Variants in RASGEF1A observed in about 807,000 individuals in gnomAD.
The protein encoded by RASGEF1A is ras-GEF domain-containing family member 1A.
RASGEF1A carries 18 observed loss-of-function variants against 56.4 expected under a neutral mutation model. The observed-to-expected ratio is 0.32, with a 90% CI of 0.22 to 0.47. RASGEF1A has a LOEUF of 0.47. Among genes scored for constraint, RASGEF1A ranks in the 20% least tolerant of loss-of-function variants. The pLI is 1.00. For synonymous variants in RASGEF1A, 245 were observed against 242.6 expected (o/e 1.01, Z -0.09); for missense variants, 422 against 627.1 (o/e 0.67, Z 3.49).
At chr10:43,207,650 G>GT in intron 1 of RASGEF1A, 2 of 985,540 alleles carry the variant, frequency 2.0e-6, no homozygotes, top group Non-Finnish European at 2.4e-6. Context: ...AGGACAGGGA[G>GT]GTCATGGCTC....
chr10:43,207,628 T>C (rs1392589041), intron 1 of RASGEF1A: 24 of 985,584 alleles, frequency 2.4e-5, no homozygotes, highest in Non-Finnish European at 2.7e-5. Flanking sequence ...GGCTCAGTGC[T>C]GCCCCCACTC....
rs146528534 is a variant in RASGEF1A, at chr10:43,245,826, A to C, written c.-7+21019T>G. 3.9e-3 allele frequency among the ~76,000 whole-genome samples: 601 copies of C among 152,304 alleles called. 2 individuals carry two copies. The highest frequency in any genetic ancestry group is 6.4e-3 in the Non-Finnish European group (433 of 67,994). Reference sequence around the variant, plus strand: ...ATCACAGTTAATTGTAGAAGACCAAAAGCTTTCCTCCTAAGATCAAAAACA... The same window carrying C: ...ATCACAGTTAATTGTAGAAGACCAACAGCTTTCCTCCTAAGATCAAAAACA... On this transcript the variant is annotated intron_variant, in intron 1 of 12. Transcript: ENST00000395810.
chr10:43,260,543 G>A (rs116954223), intron 1 of RASGEF1A, among the ~76,000 whole-genome samples: 2 of 152,170 alleles, frequency 1.3e-5, no homozygotes, highest in Non-Finnish European at 2.9e-5. Flanking sequence ...GTCCCCACGG[G>A]CAGGGCCAAG....
intron 1 of RASGEF1A, among the ~76,000 whole-genome samples, chr10:43,256,604 T>C (rs1470405193): frequency 1.3e-5 from 2 of 152,284 alleles, no homozygotes; most frequent in South Asian, 2.1e-4. Flanking sequence ...TCCAGGGCAC[T>C]GCACACTCAG....
chr10:43,208,740 A>G (rs1840028933), intron 1 of RASGEF1A: 8 of 985,524 alleles, frequency 8.1e-6, no homozygotes, highest in Non-Finnish European at 9.6e-6. Flanking sequence ...GGGATGCCCC[A>G]TGAGCCCCTA....
rs144729202 is a variant in RASGEF1A at position 43,263,098 on chromosome 10, G to A, written c.-7+3747C>T. Among the ~76,000 whole-genome samples, 358 of 152,300 alleles carry A rather than the reference G, an allele frequency of 2.4e-3. 1 individual carries two copies. The highest frequency in any genetic ancestry group is 7.9e-3 in the African/African-American group (330 of 41,566). ...CACACTGACAGAACCCAGAGGACAGGTGGGGGCTGATGAGAGCTGGAACCG... is the reference window on the plus strand; with the variant it reads ...CACACTGACAGAACCCAGAGGACAGATGGGGGCTGATGAGAGCTGGAACCG... On this transcript the variant is annotated intron_variant, in intron 1 of 12. Transcript: ENST00000395810.
At chr10:43,199,848 C>T in intron 6 of RASGEF1A, 80 bp from the exon 7 acceptor site, 1 of 1,157,088 alleles carries the variant, frequency 8.6e-7, no homozygotes, top group Non-Finnish European at 1.3e-6. Flanking sequence ...GCCCTGGTCC[C>T]CAGCTATGGC....
intron 1 of RASGEF1A, chr10:43,207,905 A>G: frequency 1.9e-6 from 1 of 529,532 alleles, no homozygotes; most frequent in South Asian, 8.1e-5. Context: ...CAGGAGTTCC[A>G]AGTCCAGCCT....
intron 1 of RASGEF1A, among the ~76,000 whole-genome samples, chr10:43,234,844 C>T (rs1332876805): frequency 6.6e-6 from 1 of 152,206 alleles, no homozygotes; most frequent in Non-Finnish European, 1.5e-5. Flanking sequence ...TCAGACAGCC[C>T]CTGCCTCCTC....
chr10:43,248,976 G>C (rs942688010), intron 1 of RASGEF1A, among the ~76,000 whole-genome samples: 3 of 152,178 alleles, frequency 2.0e-5, no homozygotes, highest in African/African-American at 4.8e-5. Flanking sequence ...GGAGTGGATG[G>C]GGGCTCTGTT....
chr10:43,223,167 G>A lies in RASGEF1A; in HGVS notation c.-6-17045C>T, dbSNP rs115965234. ...ATTGCAGTGCATGCTCTCTGGACAG[G>A]GGACCAAGATATGTGAAAAACTGTG... On this transcript the variant is annotated intron_variant, in intron 1 of 12. Coordinates refer to ENST00000395810, the MANE Select transcript of RASGEF1A (RefSeq NM_145313.4). Among the ~76,000 whole-genome samples the A allele has an allele frequency of 6.9e-3, 1,048 of 152,194 alleles. 17 individuals carry two copies. Among genetic ancestry groups the A allele is most frequent in the African/African-American group, 0.024 (991 of 41,510 alleles).
intron 9 of RASGEF1A, 37 bp from the exon 10 acceptor site, chr10:43,198,232 C>G (rs763504566): frequency 6.4e-7 from 1 of 1,559,012 alleles, no homozygotes; most frequent in East Asian, 2.3e-5. Context: ...GCATCACAGC[C>G]CCATGCCCCT....
intron 1 of RASGEF1A, among the ~76,000 whole-genome samples, chr10:43,220,592 C>T (rs538115049): frequency 5.9e-4 from 90 of 151,994 alleles, no homozygotes; most frequent in African/African-American, 2.0e-3. Flanking sequence ...AAGACCAGCC[C>T]GACCAACATG....
At chr10:43,262,489 G>A (rs1377580953) in intron 1 of RASGEF1A, among the ~76,000 whole-genome samples, 1 of 152,146 alleles carries the variant, frequency 6.6e-6, no homozygotes, top group Non-Finnish European at 1.5e-5. Flanking sequence ...TCTCCCTGGC[G>A]TGGGTGCAGC....
intron 1 of RASGEF1A, among the ~76,000 whole-genome samples, chr10:43,262,436 C>G (rs1836545931): frequency 6.6e-6 from 1 of 152,174 alleles, no homozygotes. Context: ...ACCAGCCCCC[C>G]AGACTGTCCC....
chr10:43,226,712 C>T (rs1350932512), intron 1 of RASGEF1A, among the ~76,000 whole-genome samples: 1 of 152,206 alleles, frequency 6.6e-6, no homozygotes, highest in Admixed American at 6.5e-5. Context: ...AAGACACAGC[C>T]CCTCTGGACC....
intron 1 of RASGEF1A, among the ~76,000 whole-genome samples, chr10:43,265,671 G>C (rs1356950334): frequency 6.6e-6 from 1 of 152,256 alleles, no homozygotes; most frequent in Non-Finnish European, 1.5e-5. Context: ...TCAGTCTACA[G>C]ATGGGGAAAC....
intron 1 of RASGEF1A, among the ~76,000 whole-genome samples, chr10:43,239,771 G>A (rs1708255162): frequency 6.6e-6 from 1 of 152,176 alleles, no homozygotes. Flanking sequence ...CCACTTACAA[G>A]GATGTCTGTA....
intron 1 of RASGEF1A, among the ~76,000 whole-genome samples, chr10:43,226,184 G>A (rs1036647718): frequency 6.6e-6 from 1 of 152,254 alleles, no homozygotes; most frequent in East Asian, 1.9e-4. Context: ...GCTAATGCCT[G>A]TAATCCCAGC....
Sources: allele counts gnomAD v4.1 joint callset (sites outside exome capture counted in the v4.1 genomes callset), GRCh38; gene constraint gnomAD v4.1.1; transcripts MANE v1.5; gene names NCBI Gene and HGNC (gene_info 2026-07-23, HGNC 2026-07-21).